RORA: variants seen among roughly 807,000 people sequenced by gnomAD.
RORA encodes nuclear receptor ROR-alpha.
A neutral mutation model predicts 69.5 loss-of-function variants in RORA; 7 were observed. The observed-to-expected ratio is 0.10, with a 90% CI of 0.06 to 0.19. RORA has a LOEUF of 0.19. Among genes scored for constraint, RORA ranks in the 10% least tolerant of loss-of-function variants. The pLI, the probability that RORA is intolerant of heterozygous loss-of-function variation, is 1.00. For synonymous variants in RORA, 261 were observed against 240.8 expected (o/e 1.08, Z -0.78); for missense variants, 457 against 663.0 (o/e 0.69, Z 3.41).
At chr15:60,819,145 C>T (rs2072854554) in intron 1 of RORA, among the ~76,000 whole-genome samples, 1 of 152,212 alleles carries the variant, frequency 6.6e-6, no homozygotes, top group Non-Finnish European at 1.5e-5. Context: ...GAGCAAGCAA[C>T]AGTCTTGTCT....
intron 1 of RORA, among the ~76,000 whole-genome samples, chr15:60,934,197 G>A (rs1396439186): frequency 6.6e-6 from 1 of 152,224 alleles, no homozygotes; most frequent in Admixed American, 6.5e-5. Flanking sequence ...CAAGGAGACT[G>A]CTGCCTGCCT....
At chr15:60,562,196 A>T (rs1256334370) in intron 2 of RORA, among the ~76,000 whole-genome samples, 1 of 151,946 alleles carries the variant, frequency 6.6e-6, no homozygotes, top group African/African-American at 2.4e-5. Flanking sequence ...TGACCTCCCA[A>T]AGTGCTGGGA....
intron 4 of RORA, among the ~76,000 whole-genome samples, chr15:60,513,353 T>TTTTGAAAAATTTTTTTGAAAAA (rs1443665648): frequency 6.6e-6 from 1 of 152,248 alleles, no homozygotes; most frequent in African/African-American, 2.4e-5. Flanking sequence ...TGAAGGTGCT[T>TTTTGAAAAATTTTTTTGAAAAA]AATTTTTTTG....
chr15:60,717,784 TTTTC>T (rs759222548), intron 1 of RORA, among the ~76,000 whole-genome samples: 22 of 144,678 alleles, frequency 1.5e-4, no homozygotes, highest in Non-Finnish European at 3.1e-4. Flanking sequence ...CTTCTTTCTT[TTTTC>T]TTTTTCTCTT....
intron 1 of RORA, among the ~76,000 whole-genome samples, chr15:60,918,627 T>A (rs896149856): frequency 1.3e-5 from 2 of 152,228 alleles, no homozygotes; most frequent in African/African-American, 4.8e-5. Flanking sequence ...AAAGGGACTT[T>A]ATCTTTTCAT....
chr15:60,500,239 C>T (rs2141260464), intron 9 of RORA, among the ~76,000 whole-genome samples: 1 of 152,172 alleles, frequency 6.6e-6, no homozygotes, highest in African/African-American at 2.4e-5. Flanking sequence ...AAGGATCCTC[C>T]CCTTCCAAAG....
intron 1 of RORA, among the ~76,000 whole-genome samples, chr15:60,949,838 C>A (rs1254170113): frequency 2.0e-5 from 3 of 152,150 alleles, no homozygotes. Flanking sequence ...TTATGTGTCA[C>A]CAACGCTGGT....
intron 1 of RORA, among the ~76,000 whole-genome samples, chr15:60,990,888 T>C (rs998750552): frequency 1.3e-5 from 2 of 152,228 alleles, no homozygotes; most frequent in Non-Finnish European, 2.9e-5. Context: ...AATCAAATTA[T>C]AAACCTTAGG....
At chr15:60,559,913 T>C (rs2067482382) in intron 2 of RORA, among the ~76,000 whole-genome samples, 1 of 152,254 alleles carries the variant, frequency 6.6e-6, no homozygotes, top group Non-Finnish European at 1.5e-5. Context: ...CCACTGTTTT[T>C]TTTCCCCTTG....
chr15:60,819,369 A>T (rs2072858258), intron 1 of RORA, among the ~76,000 whole-genome samples: 1 of 152,214 alleles, frequency 6.6e-6, no homozygotes, highest in South Asian at 2.1e-4. Context: ...AAGGCTTCGA[A>T]ACACCATGTG....
At chr15:60,872,003 G>C (rs895145891) in intron 1 of RORA, among the ~76,000 whole-genome samples, 14 of 152,176 alleles carry the variant, frequency 9.2e-5, no homozygotes, top group African/African-American at 3.4e-4. Flanking sequence ...AAATCTAGAA[G>C]TATTCCAAAG....
At chr15:60,794,650 C>T (rs147619809) in intron 1 of RORA, among the ~76,000 whole-genome samples, 55 of 152,320 alleles carry the variant, frequency 3.6e-4, no homozygotes, top group African/African-American at 1.2e-3. Flanking sequence ...TGCAGGTTTC[C>T]GACAGCAAAA....
intron 1 of RORA, among the ~76,000 whole-genome samples, chr15:60,767,560 A>T (rs2072009457): frequency 6.6e-6 from 1 of 152,166 alleles, no homozygotes; most frequent in Admixed American, 6.5e-5. Context: ...AAGGCAAGAA[A>T]GTCCCCAGGA....
intron 2 of RORA, among the ~76,000 whole-genome samples, chr15:60,563,113 G>T (rs993104115): frequency 6.6e-6 from 1 of 152,128 alleles, no homozygotes; most frequent in African/African-American, 2.4e-5. Flanking sequence ...CTCCCAAAGT[G>T]AACACGGAGT....
chr15:60,938,185 C>T (rs1042900185), intron 1 of RORA, among the ~76,000 whole-genome samples: 13 of 152,072 alleles, frequency 8.5e-5, no homozygotes, highest in South Asian at 2.1e-4. Flanking sequence ...ATATACACAT[C>T]GTACATAAAC....
At chr15:61,219,770 T>C (rs2080077601) in intron 1 of RORA, among the ~76,000 whole-genome samples, 1 of 152,180 alleles carries the variant, frequency 6.6e-6, no homozygotes, top group Non-Finnish European at 1.5e-5. Context: ...GGCTCGCTGA[T>C]TCATAAAGCC....
At chr15:61,019,628 C>T (rs2140412663) in intron 1 of RORA, among the ~76,000 whole-genome samples, 1 of 152,158 alleles carries the variant, frequency 6.6e-6, no homozygotes, top group South Asian at 2.1e-4. Flanking sequence ...CCTGTCCTGC[C>T]CCACTCTCAC....
intron 1 of RORA, among the ~76,000 whole-genome samples, chr15:60,839,848 T>C (rs978948467): frequency 6.6e-6 from 1 of 152,240 alleles, no homozygotes. Flanking sequence ...TATATGTCTA[T>C]GTGCAGGTAT....
At chr15:60,906,149 T>C (rs1189087576) in intron 1 of RORA, among the ~76,000 whole-genome samples, 5 of 152,220 alleles carry the variant, frequency 3.3e-5, no homozygotes, top group Non-Finnish European at 7.3e-5. Flanking sequence ...GTGAAACATG[T>C]AGCCTCTTCT....
Sources: gnomAD v4.1 joint callset for allele counts (sites outside exome capture counted in the v4.1 genomes callset) on GRCh38, gnomAD v4.1.1 for gene constraint, MANE v1.5 for transcripts, NCBI Gene and HGNC (gene_info 2026-07-23, HGNC 2026-07-21) for gene names.